SH3KBP1: variants seen among roughly 807,000 people sequenced by gnomAD.
SH3KBP1 encodes SH3 domain-containing kinase-binding protein 1.
SH3KBP1 carries 8 observed loss-of-function variants against 50.1 expected under a neutral mutation model. The observed-to-expected ratio is 0.16, with a 90% CI of 0.09 to 0.29. The LOEUF is 0.29. Among genes scored for constraint, SH3KBP1 ranks in the 10% least tolerant of loss-of-function variants. The pLI is 1.00. For missense variants in SH3KBP1, 377 were observed against 535.2 expected, an observed-to-expected ratio of 0.70 and a Z score of 2.92; for synonymous variants, 227 against 218.6, an observed-to-expected ratio of 1.04 and a Z score of -0.34.
At chrX:19,841,495 AG>A (rs1483876426) in intron 1 of SH3KBP1, among the ~76,000 whole-genome samples, 1 of 112,604 alleles carries the variant, frequency 8.9e-6, no homozygotes, top group African/African-American at 3.2e-5. Context: ...TTTCAGAAGT[AG>A]AAATGTTACA....
intron 12 of SH3KBP1, among the ~76,000 whole-genome samples, chrX:19,569,852 C>T (rs1362517959): frequency 9.0e-6 from 1 of 111,560 alleles, no homozygotes; most frequent in Admixed American, 9.5e-5. Context: ...CTAGCCTTCT[C>T]ATGCACAAAC....
chrX:19,622,920 G>A (rs900303209), intron 8 of SH3KBP1, among the ~76,000 whole-genome samples: 1 of 109,847 alleles, frequency 9.1e-6, no homozygotes, highest in African/African-American at 3.3e-5. Flanking sequence ...GCACAGGCCT[G>A]TAGTCCCAGC....
At chrX:19,870,034 T>C (rs1162057012) in intron 1 of SH3KBP1, among the ~76,000 whole-genome samples, 8 of 112,038 alleles carry the variant, frequency 7.1e-5, no homozygotes, top group African/African-American at 2.3e-4. Context: ...AAGTATACAG[T>C]GGCATGTTCA....
At chrX:19,600,513 A>T (rs1039653507) in intron 9 of SH3KBP1, among the ~76,000 whole-genome samples, 6 of 112,383 alleles carry the variant, frequency 5.3e-5, no homozygotes, top group Admixed American at 9.4e-5. Context: ...TCATCACAGG[A>T]GTTCACTATT....
intron 3 of SH3KBP1, among the ~76,000 whole-genome samples, chrX:19,715,521 T>C (rs766983589): frequency 3.6e-5 from 4 of 111,307 alleles, no homozygotes; most frequent in South Asian, 7.5e-4. Flanking sequence ...CAAATGTCAA[T>C]ATTGGTCTGA....
chrX:19,691,915 G>A (rs922547990), intron 5 of SH3KBP1, among the ~76,000 whole-genome samples: 6 of 111,416 alleles, frequency 5.4e-5, no homozygotes, highest in Non-Finnish European at 1.1e-4. Flanking sequence ...GCGTGCAGAG[G>A]GCTATAATTT....
intron 7 of SH3KBP1, among the ~76,000 whole-genome samples, chrX:19,645,046 C>A (rs2061959319): frequency 8.9e-6 from 1 of 111,797 alleles, no homozygotes; most frequent in East Asian, 2.8e-4. Context: ...CCTGAGGGCT[C>A]GTGAATCCCT....
chrX:19,672,773 T>C (rs2062828769), intron 6 of SH3KBP1, among the ~76,000 whole-genome samples: 1 of 111,358 alleles, frequency 9.0e-6, no homozygotes. Flanking sequence ...AATGATAATA[T>C]GGGCCAGGCA....
chrX:19,845,261 G>A lies in SH3KBP1; in HGVS notation c.5-8979C>T, dbSNP rs185094963. Among the ~76,000 whole-genome samples the A allele has an allele frequency of 5.2e-4, 57 of 109,881 alleles. No homozygotes were observed. The Middle Eastern group carries it at 0.019, about 37-fold the overall frequency. Reference sequence around the variant, plus strand: ...TGGGAGGCCGAGGTGGGCAGATCACGAGGTCAGGAGATTGAGACCATCCTG... The same window carrying A: ...TGGGAGGCCGAGGTGGGCAGATCACAAGGTCAGGAGATTGAGACCATCCTG... On this transcript the variant is annotated intron_variant, in intron 1 of 17. Transcript: ENST00000397821.
intron 3 of SH3KBP1, among the ~76,000 whole-genome samples, chrX:19,743,503 C>T (rs1301912355): frequency 1.8e-5 from 2 of 111,651 alleles, no homozygotes; most frequent in Non-Finnish European, 3.8e-5. Flanking sequence ...CCTAAATCAA[C>T]TCTGCAGACG....
chrX:19,759,683 C>T (rs1251355102), intron 2 of SH3KBP1, among the ~76,000 whole-genome samples: 5 of 110,761 alleles, frequency 4.5e-5, no homozygotes, highest in Admixed American at 9.6e-5. Context: ...CATTAATCTA[C>T]GGAAGGCATG....
At chrX:19,652,469 C>T (rs2062152616) in intron 6 of SH3KBP1, among the ~76,000 whole-genome samples, 1 of 111,156 alleles carries the variant, frequency 9.0e-6, no homozygotes, top group South Asian at 3.8e-4. Context: ...TTATCACCCA[C>T]GTATGCGTAC....
intron 13 of SH3KBP1, among the ~76,000 whole-genome samples, chrX:19,559,581 G>A (rs750769654): frequency 3.1e-4 from 34 of 110,023 alleles, no homozygotes; most frequent in Middle Eastern, 4.6e-3. Context: ...CACCTGCCTC[G>A]GCCTCCCAAA....
At chrX:19,553,981 A>G (rs1310641380) in intron 13 of SH3KBP1, among the ~76,000 whole-genome samples, 1 of 69,459 alleles carries the variant, frequency 1.4e-5, no homozygotes, top group Non-Finnish European at 2.4e-5. Context: ...ATATTAAAAT[A>G]TAATATATAA....
chrX:19,677,168 G>A, intron 6 of SH3KBP1, among the ~76,000 whole-genome samples: 1 of 112,005 alleles, frequency 8.9e-6, no homozygotes, highest in South Asian at 3.7e-4. Flanking sequence ...AGCCATGTCA[G>A]GTTAGGTCCT....
chrX:19,647,963 T>A (rs1301742562), intron 6 of SH3KBP1: 5 of 360,121 alleles, frequency 1.4e-5, no homozygotes, highest in Admixed American at 2.6e-5. Flanking sequence ...AGGGAGTCCA[T>A]TAGTATTAAT....
At chrX:19,610,709 G>T (rs996782163) in intron 8 of SH3KBP1, among the ~76,000 whole-genome samples, 3 of 111,245 alleles carry the variant, frequency 2.7e-5, no homozygotes, top group Non-Finnish European at 5.7e-5. Context: ...TTGGGTAACA[G>T]GGATCAAATG....
chrX:19,828,949 G>A (rs913028995), intron 2 of SH3KBP1, among the ~76,000 whole-genome samples: 5 of 111,047 alleles, frequency 4.5e-5, no homozygotes, highest in Admixed American at 9.6e-5. Context: ...ATTGACTAGT[G>A]TGGCGCAAAT....
intron 13 of SH3KBP1, among the ~76,000 whole-genome samples, chrX:19,550,931 C>T (rs1487209676): frequency 1.8e-5 from 2 of 111,219 alleles, no homozygotes; most frequent in Non-Finnish European, 3.8e-5. Context: ...TTATTTGCAG[C>T]TAAAAACATC....
Sources: allele counts gnomAD v4.1 joint callset (sites outside exome capture counted in the v4.1 genomes callset), GRCh38; gene constraint gnomAD v4.1.1; transcripts MANE v1.5; gene names NCBI Gene and HGNC (gene_info 2026-07-23, HGNC 2026-07-21).